PKNOX2: variants seen among roughly 807,000 people sequenced by gnomAD.
The protein encoded by PKNOX2 is PBX/knotted 1 homeobox 2.
A neutral mutation model predicts 53.1 loss-of-function variants in PKNOX2; 14 were observed. The ratio of observed to expected loss-of-function variants is 0.26; its 90% CI spans 0.17 to 0.41. The LOEUF (loss-of-function observed/expected upper bound fraction) is 0.41, where lower values mean the gene tolerates loss of function less well. Ranked by LOEUF, PKNOX2 falls within the 10% of genes least tolerant of loss-of-function variation. PKNOX2 has a pLI of 1.00. For missense variants in PKNOX2, 496 were observed against 602.8 expected (o/e 0.82, Z 1.85); for synonymous variants, 257 against 242.8 (o/e 1.06, Z -0.54).
intron 1 of PKNOX2, among the ~76,000 whole-genome samples, chr11:125,218,135 G>T (rs1379275455): frequency 1.3e-5 from 2 of 152,116 alleles, no homozygotes; most frequent in African/African-American, 4.8e-5. Context: ...TTGGTTCTGA[G>T]GAGCTGGATG....
chr11:125,299,821 G>A (rs538174346), intron 2 of PKNOX2, among the ~76,000 whole-genome samples: 14 of 152,256 alleles, frequency 9.2e-5, no homozygotes, highest in South Asian at 6.2e-4. Context: ...CCTGAGCCTC[G>A]GTTCTGAGCC....
At chr11:125,400,910 C>A (rs755371511) in intron 7 of PKNOX2, among the ~76,000 whole-genome samples, 3 of 152,144 alleles carry the variant, frequency 2.0e-5, no homozygotes, top group Non-Finnish European at 4.4e-5. Flanking sequence ...CCAAAAACAG[C>A]CATTTCCAGC....
intron 1 of PKNOX2, among the ~76,000 whole-genome samples, chr11:125,173,876 A>T (rs1955509523): frequency 6.6e-6 from 1 of 152,212 alleles, no homozygotes. Context: ...TTAGCCCGTT[A>T]GTGGTAGCAT....
chr11:125,291,202 G>T (rs1947282431), intron 2 of PKNOX2, among the ~76,000 whole-genome samples: 1 of 152,186 alleles, frequency 6.6e-6, no homozygotes, highest in Non-Finnish European at 1.5e-5. Flanking sequence ...CGCATGTAAA[G>T]TTGGAGGCAG....
At chr11:125,175,249 A>AAGGAAGGG (rs1565461506) in intron 1 of PKNOX2, among the ~76,000 whole-genome samples, 2 of 80,182 alleles carry the variant, frequency 2.5e-5, no homozygotes, top group African/African-American at 1.0e-4. Context: ...GGAAGGAAGG[A>AAGGAAGGG]AAGAAGGAAG....
intron 1 of PKNOX2, among the ~76,000 whole-genome samples, chr11:125,189,475 A>G (rs1382693859): frequency 4.7e-5 from 6 of 127,176 alleles, no homozygotes; most frequent in African/African-American, 8.8e-5. Flanking sequence ...ATATATATAT[A>G]TATATATATA....
At chr11:125,229,958 C>T (rs59703585) in intron 1 of PKNOX2, among the ~76,000 whole-genome samples, 3,417 of 152,314 alleles carry the variant, frequency 0.022, 114 homozygotes, top group African/African-American at 0.078. Flanking sequence ...CTTCTTCCTC[C>T]CATATGGGAT....
At chr11:125,408,834 C>T (rs1955287571) in intron 7 of PKNOX2, among the ~76,000 whole-genome samples, 1 of 152,136 alleles carries the variant, frequency 6.6e-6, no homozygotes, top group Non-Finnish European at 1.5e-5. Flanking sequence ...GATTTCCGGG[C>T]TCAAAACCCT....
chr11:125,187,945 GA>G (rs1282075834), intron 1 of PKNOX2, among the ~76,000 whole-genome samples: 1 of 152,218 alleles, frequency 6.6e-6, no homozygotes, highest in Non-Finnish European at 1.5e-5. Context: ...CCACTAATCA[GA>G]AAATACCAAT....
At chr11:125,410,490 G>T in intron 8 of PKNOX2, 165 bp downstream of exon 8, 2 of 1,011,978 alleles carry the variant, frequency 2.0e-6, no homozygotes. Flanking sequence ...TTAGCGCCAA[G>T]ACCCAATTGT....
chr11:125,195,676 G>A (rs1957133273), intron 1 of PKNOX2, among the ~76,000 whole-genome samples: 1 of 152,176 alleles, frequency 6.6e-6, no homozygotes, highest in Non-Finnish European at 1.5e-5. Context: ...TGAAGTTCTT[G>A]TGGGGCAAGG....
In PKNOX2 at chr11:125,431,470, G is replaced by GCCCCCCC; in HGVS notation, c.*78_*79insCCCCCCC. The GCCCCCCC allele has an allele frequency of 3.5e-6, 1 of 282,770 alleles. No individual in the cohort carries two copies. 17.5% of individuals were successfully genotyped at this position (282,770 alleles called of 1,614,324 possible). On this transcript the variant is annotated 3_prime_UTR_variant, in exon 13 of 13. Transcript: ENST00000298282. ...AGGCCTTCAGGGTGGGGGGGAAGGG[G>GCCCCCCC]ACATGGGCAGGAAGCACCGAGGGAG...
At chr11:125,231,789 T>A (rs919548252) in intron 1 of PKNOX2, among the ~76,000 whole-genome samples, 1 of 152,196 alleles carries the variant, frequency 6.6e-6, no homozygotes, top group African/African-American at 2.4e-5. Flanking sequence ...GGCTCTTTAT[T>A]GTGAGATTTT....
At chr11:125,209,572 A>C (rs777448412) in intron 1 of PKNOX2, among the ~76,000 whole-genome samples, 6 of 152,012 alleles carry the variant, frequency 3.9e-5, no homozygotes, top group Admixed American at 1.3e-4. Context: ...AAAATTAGGA[A>C]AACTCAGAAG....
At chr11:125,351,415 C>T (rs772905172) in intron 4 of PKNOX2, 23 bp downstream of exon 4, 26 of 1,496,590 alleles carry the variant, frequency 1.7e-5, no homozygotes, top group Non-Finnish European at 2.1e-5. Flanking sequence ...GGGCCGCTGC[C>T]TCCCACCACG....
chr11:125,217,461 G>A (rs964443402), intron 1 of PKNOX2, among the ~76,000 whole-genome samples: 1 of 152,192 alleles, frequency 6.6e-6, no homozygotes, highest in African/African-American at 2.4e-5. Flanking sequence ...CTAGGCAGTT[G>A]TTAACTCCTC....
rs1952442354 is a variant in PKNOX2 at position 125,370,056 on chromosome 11, T to C, written c.227+2071T>C. On this transcript the variant is annotated intron_variant, in intron 5 of 12. Coordinates refer to ENST00000298282, the MANE Select transcript of PKNOX2 (RefSeq NM_001382323.2). The surrounding 1 kb of genome is among the most constrained non-coding windows in gnomAD (Gnocchi z 4.1). Reference sequence around the variant, plus strand: ...CCTCGCAGCTGCTCAGACCCCTGGGTCAGGGGCCTGTAGTGAGCATAGATC... The same window carrying C: ...CCTCGCAGCTGCTCAGACCCCTGGGCCAGGGGCCTGTAGTGAGCATAGATC... 6.6e-6 allele frequency among the ~76,000 whole-genome samples: 1 copy of C among 152,108 alleles called. No homozygotes were observed.
At chr11:125,175,368 G>T (rs1438806933) in intron 1 of PKNOX2, among the ~76,000 whole-genome samples, 2 of 152,222 alleles carry the variant, frequency 1.3e-5, no homozygotes, top group African/African-American at 2.4e-5. Context: ...TCCTGGTTCT[G>T]GTGGCCCTGA....
At chr11:125,379,931 G>A (rs1049777592) in intron 5 of PKNOX2, among the ~76,000 whole-genome samples, 29 of 130,308 alleles carry the variant, frequency 2.2e-4, no homozygotes, top group African/African-American at 4.5e-4. Context: ...TCTTTGGATC[G>A]TTAACAAGAA....
Sources: gnomAD v4.1 joint callset for allele counts (sites outside exome capture counted in the v4.1 genomes callset) on GRCh38, gnomAD v4.1.1 for gene constraint, Gnocchi (gnomAD v3.1) non-coding constraint, MANE v1.5 for transcripts, NCBI Gene and HGNC (gene_info 2026-07-23, HGNC 2026-07-21) for gene names.